Variants in STXBP6 observed in about 807,000 individuals in gnomAD.
The protein encoded by STXBP6 is syntaxin-binding protein 6.
A neutral mutation model predicts 26.9 loss-of-function variants in STXBP6; 21 were observed. The observed-to-expected ratio is 0.78, with a 90% CI of 0.55 to 1.12. The LOEUF (loss-of-function observed/expected upper bound fraction) is 1.12, where lower values mean the gene tolerates loss of function less well. STXBP6 is among the 50% of genes most tolerant of loss of function. STXBP6 has a pLI of 0.00. For synonymous variants in STXBP6, 97 were observed against 92.6 expected (o/e 1.05, Z -0.27); for missense variants, 232 against 257.9 (o/e 0.90, Z 0.69).
In STXBP6 at chr14:24,949,619, G is replaced by A. The variant is rs144087565; in HGVS notation, c.154+25046C>T. 4.7e-4 allele frequency among the ~76,000 whole-genome samples: 72 copies of A among 152,262 alleles called. No individual in the cohort carries two copies. In the East Asian group the frequency reaches 0.013, roughly 28 times the overall value. ...CGAATGTAGAATGAGTGAGAAAATT[G>A]CCTTTAATCTGGCCAAAATCTATTT... On this transcript the variant is annotated intron_variant, in intron 2 of 5. Coordinates refer to ENST00000323944, the MANE Select transcript of STXBP6 (RefSeq NM_001394410.1).
chr14:25,003,949 T>C (rs888616191), intron 1 of STXBP6, among the ~76,000 whole-genome samples: 3 of 152,240 alleles, frequency 2.0e-5, no homozygotes, highest in Non-Finnish European at 4.4e-5. Context: ...CATTCATTCA[T>C]TAAACATTTA....
intron 2 of STXBP6, among the ~76,000 whole-genome samples, chr14:24,944,827 T>C (rs2140011929): frequency 6.6e-6 from 1 of 152,194 alleles, no homozygotes; most frequent in East Asian, 1.9e-4. Flanking sequence ...TTCTAGGTCA[T>C]TACATGAGCA....
intron 2 of STXBP6, among the ~76,000 whole-genome samples, chr14:24,903,075 T>C (rs1595078816): frequency 6.6e-6 from 1 of 152,230 alleles, no homozygotes; most frequent in African/African-American, 2.4e-5. Context: ...AAGCAACTTG[T>C]GATCATTTAG....
intron 2 of STXBP6, among the ~76,000 whole-genome samples, chr14:24,897,509 A>G (rs558446825): frequency 6.6e-6 from 1 of 151,790 alleles, no homozygotes; most frequent in East Asian, 1.9e-4. Context: ...CAGGTTACTT[A>G]CAGTCATTAT....
chr14:24,908,194 G>C (rs533910167), intron 2 of STXBP6, among the ~76,000 whole-genome samples: 2 of 152,252 alleles, frequency 1.3e-5, no homozygotes, highest in African/African-American at 4.8e-5. Flanking sequence ...TGAAGACCTA[G>C]AAATTATCCT....
intron 1 of STXBP6, among the ~76,000 whole-genome samples, chr14:25,002,359 C>CTTTTTTTTTTTTTTCTTTT (rs2074781077): frequency 1.3e-4 from 16 of 121,354 alleles, no homozygotes; most frequent in African/African-American, 5.1e-4. Context: ...ATTCTTATGA[C>CTTTTTTTTTTTTTTCTTTT]TTTTTTTTTT....
chr14:24,992,458 A>T (rs1702689537), intron 1 of STXBP6, among the ~76,000 whole-genome samples: 1 of 152,224 alleles, frequency 6.6e-6, no homozygotes, highest in Non-Finnish European at 1.5e-5. Context: ...AGCCGACATA[A>T]AACACCTAAT....
intron 2 of STXBP6, among the ~76,000 whole-genome samples, chr14:24,958,426 A>G (rs2073412772): frequency 6.6e-6 from 1 of 152,132 alleles, no homozygotes; most frequent in African/African-American, 2.4e-5. Context: ...TTTTATGGGG[A>G]AGAAGATTCC....
chr14:24,938,468 T>C (rs77057401), intron 2 of STXBP6, among the ~76,000 whole-genome samples: 1 of 152,170 alleles, frequency 6.6e-6, no homozygotes, highest in African/African-American at 2.4e-5. Flanking sequence ...GTTTGCTGTA[T>C]GGTAGACACT....
intron 1 of STXBP6, among the ~76,000 whole-genome samples, chr14:25,044,025 A>G (rs1344717405): frequency 6.6e-6 from 1 of 151,656 alleles, no homozygotes; most frequent in African/African-American, 2.4e-5. Context: ...AAAAAAATTA[A>G]CTGGAGGTGG....
intron 1 of STXBP6, among the ~76,000 whole-genome samples, chr14:25,012,154 T>TA (rs917090107): frequency 1.1e-4 from 16 of 151,774 alleles, no homozygotes; most frequent in South Asian, 2.1e-4. Context: ...AAAATGGAGT[T>TA]AAAAAAAATG....
chr14:24,887,310 G>T (rs1009567278), intron 2 of STXBP6, among the ~76,000 whole-genome samples: 3 of 152,030 alleles, frequency 2.0e-5, no homozygotes, highest in Non-Finnish European at 2.9e-5. Context: ...AGCAACTAAG[G>T]AATTCTCAAC....
intron 2 of STXBP6, among the ~76,000 whole-genome samples, chr14:24,970,232 C>T (rs1263375170): frequency 6.7e-6 from 1 of 150,146 alleles, no homozygotes; most frequent in Non-Finnish European, 1.5e-5. Flanking sequence ...CAGAACGAGA[C>T]TCCGTCTCAA....
In STXBP6 at chr14:25,049,436, T is replaced by C; in HGVS notation, c.-33+442A>G. On this transcript the variant is annotated intron_variant, in intron 1 of 5. Transcript: ENST00000323944. The surrounding 1 kb of genome is among the most constrained non-coding windows in gnomAD (Gnocchi z 5.6). ...CAGAGTTCGCGAAGATCGGAGTGAT[T>C]CGCGGATTTCTGCGCTCAAGCTAGA... is the stretch of plus-strand genomic sequence containing the variant. 1 of 985,298 alleles carries C rather than the reference T, an allele frequency of 1.0e-6. No individual in the cohort carries two copies. Among genetic ancestry groups the C allele is most frequent in the Non-Finnish European group, 1.2e-6 (1 of 829,898 alleles). The allele number at this position is 985,298 out of a possible 1,614,324, so 61.0% of individuals were successfully genotyped here. A position where few individuals can be genotyped will look rare whatever the true frequency, so the allele number is the denominator to read the frequency against.
At chr14:24,968,835 T>C (rs924054508) in intron 2 of STXBP6, among the ~76,000 whole-genome samples, 5 of 152,216 alleles carry the variant, frequency 3.3e-5, no homozygotes, top group African/African-American at 1.2e-4. Flanking sequence ...TATATCATTA[T>C]GTCAGATATC....
At chr14:24,900,930 A>C (rs1321245604) in intron 2 of STXBP6, among the ~76,000 whole-genome samples, 1 of 152,226 alleles carries the variant, frequency 6.6e-6, no homozygotes, top group South Asian at 2.1e-4. Context: ...AGATGAAGAC[A>C]GTAAAAACTG....
intron 4 of STXBP6, among the ~76,000 whole-genome samples, chr14:24,820,266 C>T (rs776136393): frequency 3.9e-5 from 6 of 152,166 alleles, no homozygotes; most frequent in Admixed American, 6.5e-5. Context: ...TTAATAGAAA[C>T]GCAATTTCCA....
chr14:25,012,003 G>A (rs1042422744), intron 1 of STXBP6, among the ~76,000 whole-genome samples: 13 of 152,200 alleles, frequency 8.5e-5, no homozygotes, highest in African/African-American at 3.1e-4. Flanking sequence ...TTGTTTGTGA[G>A]ACAGGATCTC....
intron 2 of STXBP6, among the ~76,000 whole-genome samples, chr14:24,965,206 G>C (rs906344447): frequency 6.6e-6 from 1 of 151,958 alleles, no homozygotes; most frequent in Non-Finnish European, 1.5e-5. Flanking sequence ...AAACCAGAGG[G>C]GAATGGGGAA....
Sources: allele counts gnomAD v4.1 joint callset (sites outside exome capture counted in the v4.1 genomes callset), GRCh38; gene constraint gnomAD v4.1.1; non-coding constraint Gnocchi (gnomAD v3.1); transcripts MANE v1.5; gene names NCBI Gene and HGNC (gene_info 2026-07-23, HGNC 2026-07-21).